Variants in CHST12 observed in about 807,000 individuals in gnomAD.
The protein encoded by CHST12 is carbohydrate sulfotransferase 12, also known as carbohydrate (chondroitin 4) sulfotransferase 12.
Under a neutral mutation model 27.9 loss-of-function variants are expected in CHST12, and 23 were observed. That is an observed-to-expected ratio of 0.82 (90% CI 0.59 to 1.17). CHST12 has a LOEUF of 1.17. Ranked by LOEUF, CHST12 falls within the 50% of genes most tolerant of loss-of-function variation. The pLI is 0.00. For synonymous variants in CHST12, 322 were observed against 273.0 expected, an observed-to-expected ratio of 1.18 and a Z score of -1.77; for missense variants, 682 against 603.0, an observed-to-expected ratio of 1.13 and a Z score of -1.37.
At chr7:2,407,282 A>C (rs1781549066) in intron 1 of CHST12, among the ~76,000 whole-genome samples, 2 of 151,696 alleles carry the variant, frequency 1.3e-5, no homozygotes, top group Non-Finnish European at 2.9e-5. Flanking sequence ...CCCCATCTCT[A>C]CAACAAAATT....
Position 2,403,687 on chromosome 7 carries a change from C to A in CHST12, c.-78+14C>A. On this transcript the variant is annotated intron_variant, in intron 1 of 1. Coordinates refer to ENST00000618655, the MANE Select transcript of CHST12 (RefSeq NM_018641.5). ...GAGGGTCGCGAGGTGAGGGGCGCGG[C>A]GGGCGGCGGGCTCGGGGCGCGGTCT... 2 of 144,448 alleles carry A rather than the reference C, an allele frequency of 1.4e-5. No homozygotes were observed. The highest frequency in any genetic ancestry group is 3.1e-5 in the Non-Finnish European group (2 of 65,374). 8.9% of individuals were successfully genotyped at this position (144,448 alleles called of 1,614,324 possible).
chr7:2,417,246 G>A (rs1781835163), intron 1 of CHST12, among the ~76,000 whole-genome samples: 1 of 150,510 alleles, frequency 6.6e-6, no homozygotes, highest in Non-Finnish European at 1.5e-5. Context: ...TTTTTTTGAG[G>A]CAGAGTCTTG....
chr7:2,435,765 T>C lies in CHST12; in HGVS notation c.*1881T>C, dbSNP rs1782457765. On this transcript the variant is annotated 3_prime_UTR_variant, in exon 2 of 2. Transcript: ENST00000618655. ...GCCTGCTAGCCTCAGGTGTCCCCTG[T>C]GTTAGACACCTCCTGCCTTCCTTTC... The C allele has an allele frequency of 6.6e-6, 1 of 152,326 alleles. No individual in the cohort carries two copies. Among genetic ancestry groups the C allele is most frequent in the South Asian group, 2.1e-4 (1 of 4,838 alleles). The allele number at this position is 152,326 out of a possible 1,614,324, so 9.4% of individuals were successfully genotyped here. A position where few individuals can be genotyped will look rare whatever the true frequency, so the allele number is the denominator to read the frequency against.
intron 1 of CHST12, among the ~76,000 whole-genome samples, chr7:2,420,504 A>G (rs961884663): frequency 6.6e-6 from 1 of 152,096 alleles, no homozygotes; most frequent in Admixed American, 6.6e-5. Context: ...GTGTGCAAGC[A>G]TCTCTTCAAG....
At position 2,433,221 on chromosome 7, in the gene CHST12, G is replaced by C; in HGVS notation, c.582G>C (p.Ala194=). ...VLSGSLLHRG[A]PYRDPLRIPR... is the part of the protein sequence containing the mutation. Reference sequence around the variant, plus strand: ...GCGGAAGCCTGCTGCACCGCGGTGCGCCCTACCGCGACCCGCTGCGCATCC... The same window carrying C: ...GCGGAAGCCTGCTGCACCGCGGTGCCCCCTACCGCGACCCGCTGCGCATCC... Residue 194 remains alanine, a synonymous_variant, in exon 2 of 2, where the codon GCG becomes GCC. Coordinates refer to ENST00000618655, the MANE Select transcript of CHST12 (RefSeq NM_018641.5). This position sits in a 1 kb window ranked among gnomAD's most constrained non-coding sequence, Gnocchi z 6.1. 2 of 1,612,206 alleles carry C rather than the reference G, an allele frequency of 1.2e-6. No homozygotes were observed. The highest frequency in any genetic ancestry group is 4.5e-5 in the East Asian group (2 of 44,836).
At chr7:2,415,513 TC>T (rs1234279963) in intron 1 of CHST12, among the ~76,000 whole-genome samples, 1 of 152,178 alleles carries the variant, frequency 6.6e-6, no homozygotes, top group Non-Finnish European at 1.5e-5. Flanking sequence ...CGAGTGGCAA[TC>T]TTTTTGCTGG....
rs1473994086 is a variant in CHST12 at position 2,442,875 on chromosome 7, G to A, written c.*8991G>A. On this transcript the variant is annotated 3_prime_UTR_variant, in exon 2 of 2. Coordinates refer to ENST00000618655, the MANE Select transcript of CHST12 (RefSeq NM_018641.5). ...CCCTCCTGTGAACCCTGCATACCAG[G>A]GTTCTCCATGCAACAATCTAATGCC... 1 of 152,174 alleles carries A rather than the reference G, an allele frequency of 6.6e-6. No individual in the cohort carries two copies. Among genetic ancestry groups the A allele is most frequent in the Non-Finnish European group, 1.5e-5 (1 of 68,028 alleles). 9.4% of individuals were successfully genotyped at this position (152,174 alleles called of 1,614,324 possible). A position where few individuals can be genotyped will look rare whatever the true frequency, so the allele number is the denominator to read the frequency against.
chr7:2,417,877 A>G (rs1781851276), intron 1 of CHST12, among the ~76,000 whole-genome samples: 1 of 152,270 alleles, frequency 6.6e-6, no homozygotes, highest in African/African-American at 2.4e-5. Flanking sequence ...CAGTTGACAC[A>G]TAAAATTAGC....
rs890346387 is a variant in CHST12, at chr7:2,434,112, A to ACCCGCCCGCCCGCCCGCCCGCCCGCCCG, written c.*241_*242insCCGCCCGCCCGCCCGCCCGCCCGCCCGC. 2.9e-6 allele frequency: 1 copy of ACCCGCCCGCCCGCCCGCCCGCCCGCCCG among 345,906 alleles called. No individual in the cohort carries two copies. The highest frequency in any genetic ancestry group is 5.2e-6 in the Non-Finnish European group (1 of 193,564). The allele number at this position is 345,906 out of a possible 1,614,324, so 21.4% of individuals were successfully genotyped here. ...TATCCCCTCTCCCCTCCGCCCGCCC[A>ACCCGCCCGCCCGCCCGCCCGCCCGCCCG]CCCGCCCGCCCGCTCGCCCGCTCGC... On this transcript the variant is annotated 3_prime_UTR_variant, in exon 2 of 2. Coordinates refer to ENST00000618655, the MANE Select transcript of CHST12 (RefSeq NM_018641.5).
Position 2,431,700 on chromosome 7 carries a change from T to C in CHST12, c.-77-863T>C, listed in dbSNP as rs547300121. ...CACCCCCTGGTGCCTGGCAGGGGAA[T>C]AGCAATGTGCCACTTACTTTTGGGA... On this transcript the variant is annotated intron_variant, in intron 1 of 1. Coordinates refer to ENST00000618655, the MANE Select transcript of CHST12 (RefSeq NM_018641.5). Among the ~76,000 whole-genome samples the C allele has an allele frequency of 1.8e-4, 28 of 152,334 alleles. No individual in the cohort carries two copies. The South Asian group carries it at 5.8e-3, about 32-fold the overall frequency.
chr7:2,423,939 C>T (rs528874365), intron 1 of CHST12, among the ~76,000 whole-genome samples: 83 of 151,964 alleles, frequency 5.5e-4, no homozygotes, highest in African/African-American at 1.9e-3. Context: ...TGGTGGCACA[C>T]GCCTATGGTC....
At chr7:2,425,620 C>T (rs891508913) in intron 1 of CHST12, among the ~76,000 whole-genome samples, 4 of 151,482 alleles carry the variant, frequency 2.6e-5, no homozygotes, top group Non-Finnish European at 4.4e-5. Flanking sequence ...AAGGCCCACA[C>T]GCGGGACAGG....
In CHST12 at chr7:2,420,267, C is replaced by T. The variant is rs370383420; in HGVS notation, c.-77-12296C>T. Among the ~76,000 whole-genome samples, 35 of 152,228 alleles carry T rather than the reference C, an allele frequency of 2.3e-4. No individual in the cohort carries two copies. In the South Asian group the frequency reaches 5.4e-3, roughly 23 times the overall value. On this transcript the variant is annotated intron_variant, in intron 1 of 1. Transcript: ENST00000618655. ...GGATTACAGGTGTGAGCCGCCACACCGGCCAAGTATTTGTCCTTTTGTTTC... is the reference window on the plus strand; with the variant it reads ...GGATTACAGGTGTGAGCCGCCACACTGGCCAAGTATTTGTCCTTTTGTTTC...
At chr7:2,418,188 C>G (rs1023847255) in intron 1 of CHST12, among the ~76,000 whole-genome samples, 1 of 152,256 alleles carries the variant, frequency 6.6e-6, no homozygotes, top group Admixed American at 6.5e-5. Context: ...GAGTCTGCCC[C>G]TGGCTTCATG....
intron 1 of CHST12, among the ~76,000 whole-genome samples, chr7:2,403,929 C>T (rs1253989250): frequency 6.6e-6 from 1 of 152,064 alleles, no homozygotes; most frequent in African/African-American, 2.4e-5. Flanking sequence ...GCCCTGGGGC[C>T]CTGATCAGCG....
chr7:2,434,111 C>A lies in CHST12; in HGVS notation c.*227C>A. On this transcript the variant is annotated 3_prime_UTR_variant, in exon 2 of 2. Coordinates refer to ENST00000618655, the MANE Select transcript of CHST12 (RefSeq NM_018641.5). ...ATATCCCCTCTCCCCTCCGCCCGCC[C>A]ACCCGCCCGCCCGCTCGCCCGCTCG... 2.6e-6 allele frequency: 1 copy of A among 383,688 alleles called. No homozygotes were observed. Among genetic ancestry groups the A allele is most frequent in the South Asian group, 5.9e-5 (1 of 17,036 alleles). The allele number at this position is 383,688 out of a possible 1,614,324, so 23.8% of individuals were successfully genotyped here.
chr7:2,433,777 T>A lies in CHST12; in HGVS notation c.1138T>A (p.Trp380Arg). The change falls in exon 2 of 2, where the codon TGG becomes AGG. Residue 380 changes from tryptophan (W) to arginine (R), a missense_variant. Trp to Arg is a moderately radical substitution (Grantham distance 101). Coordinates refer to ENST00000618655, the MANE Select transcript of CHST12 (RefSeq NM_018641.5). The surrounding 1 kb of genome is among the most constrained non-coding windows in gnomAD (Gnocchi z 6.1). Reference sequence around the variant, plus strand: ...GACCGCCAGCAGCTGGGAGGAGGACTGGTTCGCCAAGATCCCCCTGGCCTG... The same window carrying A: ...GACCGCCAGCAGCTGGGAGGAGGACAGGTTCGCCAAGATCCCCCTGGCCTG... ...NRTASSWEED[W>R]FAKIPLAWRQ... 1 of 1,614,092 alleles carries A rather than the reference T, an allele frequency of 6.2e-7. No individual in the cohort carries two copies. Among genetic ancestry groups the A allele is most frequent in the Non-Finnish European group, 8.5e-7 (1 of 1,180,016 alleles).
chr7:2,408,348 G>T (rs1407641967), intron 1 of CHST12, among the ~76,000 whole-genome samples: 1 of 129,762 alleles, frequency 7.7e-6, no homozygotes, highest in East Asian at 2.3e-4. Flanking sequence ...GGCAACAAGG[G>T]TGAGACTCCG....
At position 2,438,905 on chromosome 7, in the gene CHST12, G is replaced by C. The variant is rs566855491; in HGVS notation, c.*5021G>C. Reference sequence around the variant, plus strand: ...TGAGACCCAGTGCTCTTAGCTGTGAGCCTCTGGGAAGAGGTTCTGGCAGGT... The same window carrying C: ...TGAGACCCAGTGCTCTTAGCTGTGACCCTCTGGGAAGAGGTTCTGGCAGGT... On this transcript the variant is annotated 3_prime_UTR_variant, in exon 2 of 2. Coordinates refer to ENST00000618655, the MANE Select transcript of CHST12 (RefSeq NM_018641.5). 12 of 152,438 alleles carry C rather than the reference G, an allele frequency of 7.9e-5. No homozygotes were observed. The highest frequency in any genetic ancestry group is 2.9e-4 in the African/African-American group (12 of 41,582). 9.4% of individuals were successfully genotyped at this position (152,438 alleles called of 1,614,324 possible).
Sources: allele counts gnomAD v4.1 joint callset (sites outside exome capture counted in the v4.1 genomes callset), GRCh38; gene constraint gnomAD v4.1.1; non-coding constraint Gnocchi (gnomAD v3.1); transcripts MANE v1.5; gene names NCBI Gene and HGNC (gene_info 2026-07-23, HGNC 2026-07-21).